NIBAN1: variants seen among roughly 807,000 people sequenced by gnomAD.
The protein encoded by NIBAN1 is niban apoptosis regulator 1.
In NIBAN1, 81 loss-of-function variants were observed where a neutral mutation model predicts 75.1. The observed-to-expected ratio is 1.08, with a 90% confidence interval of 0.90 to 1.30. NIBAN1 has a LOEUF of 1.30. NIBAN1 is among the 50% of genes most tolerant of loss of function. The probability of loss-of-function intolerance (pLI) is 0.00; values close to 1 mark genes in which losing one functional copy is unlikely to be tolerated. For synonymous variants in NIBAN1, 436 were observed against 424.8 expected (o/e 1.03, Z -0.32); for missense variants, 1,133 against 1,128.1 (o/e 1.00, Z -0.06).
intron 1 of NIBAN1, among the ~76,000 whole-genome samples, chr1:184,972,301 A>G (rs1336858269): frequency 6.6e-6 from 1 of 152,264 alleles, no homozygotes; most frequent in Non-Finnish European, 1.5e-5. Context: ...AAAGCTTGAG[A>G]ATATTTATAG....
intron 2 of NIBAN1, 107 bp downstream of exon 2, chr1:184,899,072 G>C (rs1656878212): frequency 1.5e-6 from 2 of 1,318,964 alleles, no homozygotes; most frequent in South Asian, 2.7e-5. Flanking sequence ...CTTCAGAGCA[G>C]AGTTTTTAAA....
chr1:184,865,023 A>T (rs541052034), intron 5 of NIBAN1, among the ~76,000 whole-genome samples: 1 of 152,010 alleles, frequency 6.6e-6, no homozygotes, highest in East Asian at 1.9e-4. Context: ...CAGTATCACT[A>T]ATCATCAGAG....
intron 13 of NIBAN1, among the ~76,000 whole-genome samples, chr1:184,797,227 C>T (rs1653899178): frequency 6.6e-6 from 1 of 151,216 alleles, no homozygotes; most frequent in Non-Finnish European, 1.5e-5. Context: ...GGAACCTCTG[C>T]CTCCTGGATT....
At chr1:184,817,015 A>G (rs993849463) in intron 9 of NIBAN1, among the ~76,000 whole-genome samples, 1 of 152,086 alleles carries the variant, frequency 6.6e-6, no homozygotes, top group Admixed American at 6.5e-5. Flanking sequence ...TCCTAATGCT[A>G]TCCCTCCACC....
chr1:184,825,458 T>G (rs1654817858), intron 6 of NIBAN1, among the ~76,000 whole-genome samples: 1 of 135,814 alleles, frequency 7.4e-6, no homozygotes, highest in African/African-American at 2.7e-5. Context: ...TAACCAATAT[T>G]TTGGAACAAA....
At chr1:184,954,769 A>C (rs968992872) in intron 1 of NIBAN1, among the ~76,000 whole-genome samples, 1 of 152,226 alleles carries the variant, frequency 6.6e-6, no homozygotes, top group South Asian at 2.1e-4. Context: ...AGAGCTCTGC[A>C]CCAGGAGTGT....
chr1:184,921,321 T>C (rs1313346360), intron 1 of NIBAN1, among the ~76,000 whole-genome samples: 1 of 151,586 alleles, frequency 6.6e-6, no homozygotes, highest in African/African-American at 2.4e-5. Context: ...GTAAAACATA[T>C]CTAACATATA....
chr1:184,911,858 TA>T (rs1657248968), intron 1 of NIBAN1, among the ~76,000 whole-genome samples: 1 of 152,168 alleles, frequency 6.6e-6, no homozygotes, highest in Non-Finnish European at 1.5e-5. Flanking sequence ...ATAAAGTGAA[TA>T]ATATATATAC....
At chr1:184,949,818 T>A (rs527516010) in intron 1 of NIBAN1, among the ~76,000 whole-genome samples, 1 of 152,110 alleles carries the variant, frequency 6.6e-6, no homozygotes, top group Non-Finnish European at 1.5e-5. Flanking sequence ...AGAATTTAGG[T>A]CTCAGTTTCT....
chr1:184,943,114 T>G (rs1347663157), intron 1 of NIBAN1, among the ~76,000 whole-genome samples: 1 of 152,164 alleles, frequency 6.6e-6, no homozygotes, highest in East Asian at 1.9e-4. Flanking sequence ...AAAAACATAG[T>G]AGACATAAAA....
chr1:184,907,244 GAT>G (rs1219251532), intron 1 of NIBAN1, among the ~76,000 whole-genome samples: 2 of 151,690 alleles, frequency 1.3e-5, no homozygotes, highest in Non-Finnish European at 2.9e-5. Context: ...ACGACTTTCA[GAT>G]ATTGCATTTT....
rs1417185453 is a variant in NIBAN1 at position 184,858,471 on chromosome 1, G to A, written c.601+26162C>T. Among the ~76,000 whole-genome samples, 9 of 152,138 alleles carry A rather than the reference G, an allele frequency of 5.9e-5. No individual in the cohort carries two copies. The South Asian group carries it at 1.0e-3, about 18-fold the overall frequency. ...AAGATCTCAGACTCATGGCCAATCC[G>A]GGAAAGGCCACTCAAAATAAAAAGC... On this transcript the variant is annotated intron_variant, in intron 5 of 13. Transcript: ENST00000367511.
chr1:184,899,172 G>A lies in NIBAN1; in HGVS notation c.186+7C>T, dbSNP rs1656880520. 1.2e-6 allele frequency: 2 copies of A among 1,613,498 alleles called. No homozygotes were observed. Among genetic ancestry groups the A allele is most frequent in the Non-Finnish European group, 1.7e-6 (2 of 1,179,626 alleles). ...AAATACATGTAAACCAAATATCCATGGCTTACCTTGGTCTTCAAAAACTGT... is the reference window on the plus strand; with the variant it reads ...AAATACATGTAAACCAAATATCCATAGCTTACCTTGGTCTTCAAAAACTGT... On this transcript the variant is annotated splice_region_variant and intron_variant, in intron 2 of 13. Coordinates refer to ENST00000367511, the MANE Select transcript of NIBAN1 (RefSeq NM_052966.4).
intron 1 of NIBAN1, among the ~76,000 whole-genome samples, chr1:184,934,026 G>A (rs765197984): frequency 2.9e-4 from 44 of 152,166 alleles, no homozygotes; most frequent in South Asian, 1.2e-3. Context: ...ATGCATATGG[G>A]AAATCATGGG....
intron 5 of NIBAN1, among the ~76,000 whole-genome samples, chr1:184,882,708 G>C (rs1295136631): frequency 6.6e-6 from 1 of 152,122 alleles, no homozygotes; most frequent in Admixed American, 6.5e-5. Context: ...ACATGAAAGG[G>C]GGAATGCAGT....
At chr1:184,959,247 A>T (rs1261776836) in intron 1 of NIBAN1, among the ~76,000 whole-genome samples, 2 of 151,982 alleles carry the variant, frequency 1.3e-5, no homozygotes, top group African/African-American at 4.8e-5. Context: ...TCCTCTCCCA[A>T]CTCCATGGAG....
At chr1:184,958,331 C>T (rs756576300) in intron 1 of NIBAN1, among the ~76,000 whole-genome samples, 3 of 151,554 alleles carry the variant, frequency 2.0e-5, no homozygotes, top group Non-Finnish European at 2.9e-5. Context: ...GCCAAGATCA[C>T]ACCACTGCAC....
chr1:184,868,083 G>T, intron 5 of NIBAN1: 1 of 984,338 alleles, frequency 1.0e-6, no homozygotes. Context: ...GAGGGGCTTT[G>T]TCTGGTAAGA....
rs562627270 is a variant in NIBAN1, at chr1:184,912,915, T to C, written c.56-13606A>G. Among the ~76,000 whole-genome samples the C allele has an allele frequency of 2.1e-3, 313 of 152,204 alleles. 2 individuals are homozygous for C. The highest frequency in any genetic ancestry group is 7.2e-3 in the African/African-American group (298 of 41,536). On this transcript the variant is annotated intron_variant, in intron 1 of 13. Transcript: ENST00000367511. Reference sequence around the variant, plus strand: ...AATGCAACATGGGCTGGATTTTAGCTCTGCTTGCCCATTGGCCCCAGGCCT... The same window carrying C: ...AATGCAACATGGGCTGGATTTTAGCCCTGCTTGCCCATTGGCCCCAGGCCT...
Sources: allele counts gnomAD v4.1 joint callset (sites outside exome capture counted in the v4.1 genomes callset), GRCh38; gene constraint gnomAD v4.1.1; transcripts MANE v1.5; gene names NCBI Gene and HGNC (gene_info 2026-07-23, HGNC 2026-07-21).